The following DPF3 variants were observed in gnomAD, a reference collection of about 807,000 sequenced individuals.
The protein encoded by DPF3 is double PHD fingers 3.
In DPF3, 18 loss-of-function variants were observed where a neutral mutation model predicts 56.8. The observed-to-expected ratio is 0.32, with a 90% confidence interval of 0.22 to 0.47. DPF3 has a LOEUF of 0.47. DPF3 is among the 20% of genes least tolerant of loss of function. The pLI is 1.00. For missense variants in DPF3, 403 were observed against 488.8 expected (o/e 0.82, Z 1.65); for synonymous variants, 188 against 180.2 (o/e 1.04, Z -0.35).
intron 7 of DPF3, among the ~76,000 whole-genome samples, chr14:72,691,628 G>C (rs776571304): frequency 8.5e-5 from 13 of 152,086 alleles, no homozygotes; most frequent in Non-Finnish European, 1.8e-4. Flanking sequence ...TTGGGAGGCT[G>C]AGGCAGGAGA....
chr14:72,803,405 G>C (rs768014199), intron 1 of DPF3, among the ~76,000 whole-genome samples: 1 of 152,232 alleles, frequency 6.6e-6, no homozygotes, highest in Non-Finnish European at 1.5e-5. Flanking sequence ...TCTGGGGAGA[G>C]GGAGAAACAA....
At chr14:72,846,653 C>A (rs1270129684) in intron 1 of DPF3, among the ~76,000 whole-genome samples, 7 of 28,100 alleles carry the variant, frequency 2.5e-4, no homozygotes, top group African/African-American at 5.4e-4. Flanking sequence ...GTCTTGAACT[C>A]CTGGCCTCGA....
At chr14:72,651,645 G>A (rs184726006) in intron 8 of DPF3, among the ~76,000 whole-genome samples, 1 of 152,304 alleles carries the variant, frequency 6.6e-6, no homozygotes, top group Non-Finnish European at 1.5e-5. Context: ...CAAAGATGGA[G>A]GTGGAATCTC....
At chr14:72,706,500 C>T (rs1888409282) in intron 6 of DPF3, among the ~76,000 whole-genome samples, 2 of 152,194 alleles carry the variant, frequency 1.3e-5, no homozygotes, top group Admixed American at 6.5e-5. Context: ...TTTTTACATA[C>T]ATCATCACAG....
intron 1 of DPF3, among the ~76,000 whole-genome samples, chr14:72,889,451 T>C (rs548477710): frequency 2.0e-5 from 3 of 152,286 alleles, no homozygotes; most frequent in East Asian, 1.9e-4. Flanking sequence ...AGGGTCCTTT[T>C]TCATAAGAAG....
intron 6 of DPF3, among the ~76,000 whole-genome samples, chr14:72,713,927 A>G (rs1183798281): frequency 6.6e-6 from 1 of 152,262 alleles, no homozygotes; most frequent in African/African-American, 2.4e-5. Context: ...TTATTAAAGT[A>G]AGTCATCGTC....
rs189818249 is a variant in DPF3, at chr14:72,618,885, G to A, written c.*412C>T. Among the ~76,000 whole-genome samples, 10 of 152,292 alleles carry A rather than the reference G, an allele frequency of 6.6e-5. No homozygotes were observed. In the East Asian group the frequency reaches 1.9e-3, roughly 29 times the overall value. On this transcript the variant is annotated 3_prime_UTR_variant, in exon 11 of 11. Coordinates refer to ENST00000556509, the MANE Select transcript of DPF3 (RefSeq NM_001280542.3). ...GATGCAGACCCTAAGCTGGGGGCAC[G>A]GGGGCTGTGCCAAGATTTCTTGGAA...
At chr14:72,651,682 T>C (rs1451752390) in intron 8 of DPF3, among the ~76,000 whole-genome samples, 1 of 152,190 alleles carries the variant, frequency 6.6e-6, no homozygotes, top group East Asian at 1.9e-4. Context: ...CCAAATGATG[T>C]CTGTAGCCTT....
intron 5 of DPF3, among the ~76,000 whole-genome samples, chr14:72,719,288 C>T (rs1030429078): frequency 2.0e-5 from 3 of 151,900 alleles, no homozygotes; most frequent in Non-Finnish European, 4.4e-5. Context: ...GTCTCAAACT[C>T]CTGGGCTCAA....
intron 1 of DPF3, among the ~76,000 whole-genome samples, chr14:72,782,184 A>G (rs1271095834): frequency 6.7e-6 from 1 of 148,344 alleles, no homozygotes; most frequent in Non-Finnish European, 1.5e-5. Context: ...GCCACAAAGA[A>G]CATGTTGTTC....
chr14:72,882,009 G>A (rs564336550), intron 1 of DPF3, among the ~76,000 whole-genome samples: 2 of 152,280 alleles, frequency 1.3e-5, no homozygotes, highest in South Asian at 2.1e-4. Flanking sequence ...GGACTGTGAC[G>A]TTGGAACCTC....
At chr14:72,651,300 C>A (rs1022060608) in intron 8 of DPF3, among the ~76,000 whole-genome samples, 3 of 152,226 alleles carry the variant, frequency 2.0e-5, no homozygotes, top group African/African-American at 7.2e-5. Flanking sequence ...GGGGCCTCAG[C>A]CAGCGACTGA....
chr14:72,640,135 A>T (rs1331026636), intron 8 of DPF3, among the ~76,000 whole-genome samples: 1 of 151,030 alleles, frequency 6.6e-6, no homozygotes. Flanking sequence ...TGCATGGTCC[A>T]CTCAGGCAAA....
At position 72,643,030 on chromosome 14, in the gene DPF3, G is replaced by A. The variant is rs117416068; in HGVS notation, c.872-13294C>T. Among the ~76,000 whole-genome samples, 351 of 152,350 alleles carry A rather than the reference G, an allele frequency of 2.3e-3. 6 individuals carry two copies. The East Asian group carries it at 0.038, about 16-fold the overall frequency. ...ACATTCCTGATTTACAAATGAAGAA[G>A]TTGAGGCTCAGAATGGCTCAGGCAG... On this transcript the variant is annotated intron_variant, in intron 8 of 10. Transcript: ENST00000556509.
chr14:72,841,516 T>C (rs1041081742), intron 1 of DPF3, among the ~76,000 whole-genome samples: 36 of 152,170 alleles, frequency 2.4e-4, no homozygotes, highest in African/African-American at 6.7e-4. Flanking sequence ...CAGTAAAAAG[T>C]TGGGGTTAGG....
chr14:72,682,299 G>A (rs1887198753), intron 7 of DPF3, among the ~76,000 whole-genome samples: 1 of 151,648 alleles, frequency 6.6e-6, no homozygotes, highest in African/African-American at 2.4e-5. Context: ...GACACGTAAT[G>A]AGATATTTCA....
intron 8 of DPF3, among the ~76,000 whole-genome samples, chr14:72,653,923 C>T (rs186260098): frequency 1.5e-3 from 224 of 152,306 alleles, no homozygotes; most frequent in Non-Finnish European, 2.3e-3. Context: ...ACGACATCTA[C>T]AACTAGAAGG....
At chr14:72,879,258 C>T (rs540646099) in intron 1 of DPF3, among the ~76,000 whole-genome samples, 1 of 152,114 alleles carries the variant, frequency 6.6e-6, no homozygotes, top group South Asian at 2.1e-4. Flanking sequence ...TGGTGTGCAC[C>T]TATTGTCCCA....
chr14:72,795,289 A>ATATATATAT (rs1179925797), intron 1 of DPF3, among the ~76,000 whole-genome samples: 261 of 119,136 alleles, frequency 2.2e-3, no homozygotes, highest in Admixed American at 3.6e-3. Flanking sequence ...AAAAAAAAAA[A>ATATATATAT]AAAAAAATAT....
Sources: allele counts gnomAD v4.1 joint callset (sites outside exome capture counted in the v4.1 genomes callset), GRCh38; gene constraint gnomAD v4.1.1; transcripts MANE v1.5; gene names NCBI Gene and HGNC (gene_info 2026-07-23, HGNC 2026-07-21).